Variants in IL1RAPL2 observed in about 807,000 individuals in gnomAD.
IL1RAPL2 encodes interleukin 1 receptor accessory protein like 2, also known as X-linked interleukin-1 receptor accessory protein-like 2.
In IL1RAPL2, 3 loss-of-function variants were observed where a neutral mutation model predicts 44.1. The observed-to-expected ratio is 0.07, with a 90% CI of 0.03 to 0.18. The LOEUF (loss-of-function observed/expected upper bound fraction) is 0.18. Among genes scored for constraint, IL1RAPL2 ranks in the 10% least tolerant of loss-of-function variants. The probability of loss-of-function intolerance (pLI) is 1.00; values close to 1 mark genes in which losing one functional copy is unlikely to be tolerated. For missense variants in IL1RAPL2, 391 were observed against 496.4 expected, an observed-to-expected ratio of 0.79 and a Z score of 2.02; for synonymous variants, 181 against 178.8, an observed-to-expected ratio of 1.01 and a Z score of -0.10.
intron 2 of IL1RAPL2, among the ~76,000 whole-genome samples, chrX:105,180,750 G>C (rs1382540600): frequency 9.0e-6 from 1 of 111,327 alleles, no homozygotes; most frequent in Non-Finnish European, 1.9e-5. Flanking sequence ...CTAGTAGTTT[G>C]TTGAGGATTT....
At chrX:104,825,287 C>T (rs1276196826) in intron 2 of IL1RAPL2, among the ~76,000 whole-genome samples, 3 of 111,850 alleles carry the variant, frequency 2.7e-5, no homozygotes, top group Non-Finnish European at 5.6e-5. Context: ...ATGAGCTCTC[C>T]CTCTTTGAGA....
chrX:105,347,570 A>G (rs1304966830), intron 5 of IL1RAPL2, among the ~76,000 whole-genome samples: 1 of 107,749 alleles, frequency 9.3e-6, no homozygotes, highest in Non-Finnish European at 1.9e-5. Flanking sequence ...CATCATCATC[A>G]TCATCATCAT....
At chrX:105,234,979 G>C (rs888819313) in intron 4 of IL1RAPL2, among the ~76,000 whole-genome samples, 3 of 110,668 alleles carry the variant, frequency 2.7e-5, no homozygotes, top group African/African-American at 9.9e-5. Flanking sequence ...AAGCTGCCAA[G>C]AGATACAGCC....
intron 2 of IL1RAPL2, among the ~76,000 whole-genome samples, chrX:105,141,380 A>G (rs1001486371): frequency 5.4e-5 from 6 of 110,591 alleles, no homozygotes; most frequent in Non-Finnish European, 9.4e-5. Context: ...ATAGCTTACA[A>G]TGCTGGGGTT....
intron 4 of IL1RAPL2, among the ~76,000 whole-genome samples, chrX:105,249,051 T>C (rs770109497): frequency 2.7e-4 from 30 of 111,589 alleles, no homozygotes; most frequent in African/African-American, 9.4e-4. Flanking sequence ...CTTCCATGTT[T>C]ATTGCAGCAC....
intron 2 of IL1RAPL2, among the ~76,000 whole-genome samples, chrX:105,184,768 C>T (rs1017145913): frequency 1.3e-4 from 14 of 109,061 alleles, no homozygotes; most frequent in Non-Finnish European, 2.7e-4. Context: ...ATATGACTCA[C>T]CTATGACCTA....
intron 2 of IL1RAPL2, among the ~76,000 whole-genome samples, chrX:104,866,768 C>T (rs1353126190): frequency 9.0e-6 from 1 of 111,455 alleles, no homozygotes; most frequent in Non-Finnish European, 1.9e-5. Context: ...TTTCTTTTGG[C>T]TCATAGCAAG....
chrX:104,627,307 G>T (rs1168824653), intron 1 of IL1RAPL2, among the ~76,000 whole-genome samples: 2 of 86,545 alleles, frequency 2.3e-5, no homozygotes, highest in Admixed American at 3.0e-4. Flanking sequence ...CACAGGAAGG[G>T]TAATATCACA....
At chrX:104,957,729 A>C (rs996343313) in intron 2 of IL1RAPL2, among the ~76,000 whole-genome samples, 11 of 111,789 alleles carry the variant, frequency 9.8e-5, no homozygotes, top group African/African-American at 2.9e-4. Flanking sequence ...GAATTTCTTT[A>C]GGAATATCCA....
intron 2 of IL1RAPL2, among the ~76,000 whole-genome samples, chrX:105,000,320 C>T (rs1398139738): frequency 9.0e-6 from 1 of 111,543 alleles, no homozygotes; most frequent in Non-Finnish European, 1.9e-5. Context: ...TAAAAAATCC[C>T]TTGAGGTTAG....
At chrX:104,893,440 C>G (rs894282446) in intron 2 of IL1RAPL2, among the ~76,000 whole-genome samples, 3 of 111,390 alleles carry the variant, frequency 2.7e-5, no homozygotes, top group African/African-American at 9.8e-5. Flanking sequence ...TTGTAGGTCA[C>G]TCAGGACTTG....
chrX:104,618,648 G>A (rs761867191), intron 1 of IL1RAPL2, among the ~76,000 whole-genome samples: 6 of 111,450 alleles, frequency 5.4e-5, no homozygotes, highest in Non-Finnish European at 1.1e-4. Context: ...CAGGAATGCA[G>A]GTGCTCTAAA....
chrX:105,382,612 A>G (rs1347775540), intron 5 of IL1RAPL2, among the ~76,000 whole-genome samples: 1 of 104,755 alleles, frequency 9.5e-6, no homozygotes, highest in Non-Finnish European at 1.9e-5. Flanking sequence ...CAGCCATCCC[A>G]TTACTGGGTA....
chrX:104,709,533 C>T (rs1931418638), intron 2 of IL1RAPL2, among the ~76,000 whole-genome samples: 1 of 110,485 alleles, frequency 9.1e-6, no homozygotes, highest in African/African-American at 3.3e-5. Context: ...ACCCATCCCT[C>T]TTCTGTGTGT....
chrX:105,622,118 C>T (rs957750740), intron 6 of IL1RAPL2, among the ~76,000 whole-genome samples: 5 of 109,632 alleles, frequency 4.6e-5, no homozygotes, highest in African/African-American at 1.7e-4. Context: ...TTTCAAGTCA[C>T]CTGCCTTTTT....
chrX:105,102,629 A>T (rs2032684914), intron 2 of IL1RAPL2, among the ~76,000 whole-genome samples: 1 of 112,003 alleles, frequency 8.9e-6, no homozygotes, highest in African/African-American at 3.2e-5. Context: ...TGATTGAAAC[A>T]TAAACACATG....
chrX:104,764,155 T>G (rs1292915747), intron 2 of IL1RAPL2, among the ~76,000 whole-genome samples: 2 of 111,060 alleles, frequency 1.8e-5, no homozygotes, highest in Non-Finnish European at 3.8e-5. Flanking sequence ...TTGGGCTGTA[T>G]GGACATTTTG....
At position 105,263,906 on chromosome X, in the gene IL1RAPL2, G is replaced by A. The variant is rs138865811; in HGVS notation, c.544-3482G>A. On this transcript the variant is annotated intron_variant, in intron 4 of 10. Coordinates refer to ENST00000372582, the MANE Select transcript of IL1RAPL2 (RefSeq NM_017416.2). ...GATTACACAGTGAGTTCAGTATTAG[G>A]GAACTGCTCAAATTTGAGCCTTTGG... Among the ~76,000 whole-genome samples, 313 of 111,614 alleles carry A rather than the reference G, an allele frequency of 2.8e-3. 9 individuals carry two copies. In the East Asian group the frequency reaches 0.059, roughly 21 times the overall value.
At chrX:105,320,758 G>A (rs1186325420) in intron 5 of IL1RAPL2, among the ~76,000 whole-genome samples, 1 of 111,167 alleles carries the variant, frequency 9.0e-6, no homozygotes, top group African/African-American at 3.3e-5. Context: ...ATGTGTAGAT[G>A]TATGAGTGTA....
Sources: allele counts gnomAD v4.1 joint callset (sites outside exome capture counted in the v4.1 genomes callset), GRCh38; gene constraint gnomAD v4.1.1; transcripts MANE v1.5; gene names NCBI Gene and HGNC (gene_info 2026-07-23, HGNC 2026-07-21).